The following TMEM121B variants were observed in gnomAD, a reference collection of about 807,000 sequenced individuals.
TMEM121B encodes cat eye syndrome chromosome region, candidate 6.
A neutral mutation model predicts 25.1 loss-of-function variants in TMEM121B; 14 were observed. The observed-to-expected ratio is 0.56, with a 90% CI of 0.37 to 0.87. TMEM121B has a LOEUF of 0.87. Ranked by LOEUF, TMEM121B falls within the 40% of genes least tolerant of loss-of-function variation. The pLI is 0.00. For synonymous variants in TMEM121B, 458 were observed against 420.9 expected, an observed-to-expected ratio of 1.09 and a Z score of -1.08; for missense variants, 850 against 854.6, an observed-to-expected ratio of 0.99 and a Z score of 0.07.
Position 17,119,864 on chromosome 22 carries a change from C to G in TMEM121B, c.1264G>C (p.Ala422Pro), listed in dbSNP as rs931193134. ...GCGATAAGCAGGTAGCGCAGGTGCG[C>G]GGGCAGCGGCACGCGGCCCTCCAGC... is the stretch of plus-strand genomic sequence containing the variant. The part of the protein sequence containing the change: ...LMLEGRVPLP[A>P]HLRYLLIAVY... Residue 422 changes from alanine to proline, a missense_variant, in exon 1 of 1, where the codon GCG (alanine) becomes CCG (proline). Coordinates refer to ENST00000331437, the MANE Select transcript of TMEM121B (RefSeq NM_031890.4). 1.1e-5 allele frequency: 17 copies of G among 1,576,316 alleles called. No homozygotes were observed. The highest frequency in any genetic ancestry group is 1.4e-5 in the Non-Finnish European group (16 of 1,168,740).
rs995282989 is a variant in TMEM121B, at chr22:17,119,337, G to A, written c.*54C>T. 4 of 1,528,618 alleles carry A rather than the reference G, an allele frequency of 2.6e-6. No individual in the cohort carries two copies. The highest frequency in any genetic ancestry group is 4.8e-5 in the Admixed American group (2 of 41,440). 94.7% of individuals were successfully genotyped at this position (1,528,618 alleles called of 1,614,324 possible). A position where few individuals can be genotyped will look rare whatever the true frequency, so the allele number is the denominator to read the frequency against. ...CAAATCTAGGTGACAGAAGGTAGAA[G>A]ACAAGGGGGTTGGGGACTCTCAACC... On this transcript the variant is annotated 3_prime_UTR_variant, in exon 1 of 1. Transcript: ENST00000331437.
Position 17,120,563 on chromosome 22 carries a change from C to T in TMEM121B, c.565G>A (p.Gly189Ser). The T allele has an allele frequency of 6.7e-7, 1 of 1,491,158 alleles. No individual in the cohort carries two copies. Among genetic ancestry groups the T allele is most frequent in the Non-Finnish European group, 8.9e-7 (1 of 1,123,456 alleles). The allele number at this position is 1,491,158 out of a possible 1,614,324, so 92.4% of individuals were successfully genotyped here. Residue 189 changes from glycine to serine, a missense_variant, in exon 1 of 1, where the codon GGC becomes AGC. Coordinates refer to ENST00000331437, the MANE Select transcript of TMEM121B (RefSeq NM_031890.4). ...CGGCACCTGGGACTGGGGGCGCAGCCGCGGCGCCGACCTCTGCGGCCGGGG... is the reference window on the plus strand; with the variant it reads ...CGGCACCTGGGACTGGGGGCGCAGCTGCGGCGCCGACCTCTGCGGCCGGGG... ...DRPGRRGRRR[G>S]CAPSPRCRWG...
In TMEM121B at chr22:17,118,022, G is replaced by C. The variant is rs1299336152; in HGVS notation, c.*1369C>G. On this transcript the variant is annotated 3_prime_UTR_variant, in exon 1 of 1. Coordinates refer to ENST00000331437, the MANE Select transcript of TMEM121B (RefSeq NM_031890.4). The stretch of plus-strand genomic sequence containing the variant: ...CACATCCTGTTGAGGGTGGAGGGAA[G>C]TGAGTATTTCCTGGCCTTGTTAGCT... 6.6e-6 allele frequency: 1 copy of C among 150,854 alleles called. No homozygotes were observed. The highest frequency in any genetic ancestry group is 2.5e-5 in the African/African-American group (1 of 40,226). 9.3% of individuals were successfully genotyped at this position (150,854 alleles called of 1,614,324 possible). A position where few individuals can be genotyped will look rare whatever the true frequency, so the allele number is the denominator to read the frequency against.
At position 17,120,555 on chromosome 22, in the gene TMEM121B, G is replaced by T; in HGVS notation, c.573C>A (p.Ala191=). The T allele has an allele frequency of 6.6e-7, 1 of 1,507,148 alleles. No individual in the cohort carries two copies. The highest frequency in any genetic ancestry group is 8.8e-7 in the Non-Finnish European group (1 of 1,132,292). The allele number at this position is 1,507,148 out of a possible 1,614,324, so 93.4% of individuals were successfully genotyped here. Residue 191 remains alanine (A), a synonymous_variant, in exon 1 of 1, where the codon GCC becomes GCA. Coordinates refer to ENST00000331437, the MANE Select transcript of TMEM121B (RefSeq NM_031890.4). ...AGCCCCAGCGGCACCTGGGACTGGG[G>T]GCGCAGCCGCGGCGCCGACCTCTGC... ...PGRRGRRRGC[A]PSPRCRWGYQ...
In TMEM121B at chr22:17,119,711, C is replaced by A. The variant is rs1262075031; in HGVS notation, c.1417G>T (p.Gly473Cys). 6.5e-7 allele frequency: 1 copy of A among 1,542,538 alleles called. No individual in the cohort carries two copies. The highest frequency in any genetic ancestry group is 1.9e-5 in the Admixed American group (1 of 51,428). The change falls in exon 1 of 1, where the codon GGC (glycine) becomes TGC (cysteine). Residue 473 changes from glycine to cysteine, a missense_variant. Physicochemically the swap from Gly to Cys is radical, Grantham distance 159 (BLOSUM62 -3). Transcript: ENST00000331437. ...AAGGGCACGTCCACCAGGCAGCCGC[C>A]CAGCAGGCGCAGAAGGCGGCTGCAG... ...GSCSRLLRLL[G>C]GCLVDVPLLA...
chr22:17,120,194 C>G lies in TMEM121B; in HGVS notation c.934G>C (p.Ala312Pro). 1 of 1,507,018 alleles carries G rather than the reference C, an allele frequency of 6.6e-7. No individual in the cohort carries two copies. Among genetic ancestry groups the G allele is most frequent in the Non-Finnish European group, 8.9e-7 (1 of 1,128,724 alleles). The allele number at this position is 1,507,018 out of a possible 1,614,324, so 93.4% of individuals were successfully genotyped here. Reference protein sequence around the residue: ...LGAAAAAGEFAFAYLAWLIYS... With the variant: ...LGAAAAAGEFPFAYLAWLIYS... Reference sequence around the variant, plus strand: ...ATAAGCCAGGCCAGGTAGGCGAAGGCGAACTCGCCCGCTGCCGCGGCCGCC... The same window carrying G: ...ATAAGCCAGGCCAGGTAGGCGAAGGGGAACTCGCCCGCTGCCGCGGCCGCC... The change falls in exon 1 of 1, where the codon GCC (alanine) becomes CCC (proline). Residue 312 changes from alanine to proline, a missense_variant. Coordinates refer to ENST00000331437, the MANE Select transcript of TMEM121B (RefSeq NM_031890.4).
chr22:17,120,974 TG>T lies in TMEM121B; in HGVS notation c.153del (p.Ser51ArgfsTer82). The T allele has an allele frequency of 6.9e-7, 1 of 1,452,912 alleles. No individual in the cohort carries two copies. The highest frequency in any genetic ancestry group is 9.1e-7 in the Non-Finnish European group (1 of 1,104,794). 90.0% of individuals were successfully genotyped at this position (1,452,912 alleles called of 1,614,324 possible). A position where few individuals can be genotyped will look rare whatever the true frequency, so the allele number is the denominator to read the frequency against. ...CTGCCGCCGCCTCCCCCGCGGCTGG[TG>T]CTGGTGCTGGTGCTGCTGTCGCCGG... is the stretch of plus-strand genomic sequence containing the variant. Reference protein sequence around the residue: ...RGSGDSSTSTSTSRGGGGGRR... With the variant: ...RGSGDSSTSTXTSRGGGGGRR... On this transcript the variant is annotated frameshift_variant, in exon 1 of 1. Coordinates refer to ENST00000331437, the MANE Select transcript of TMEM121B (RefSeq NM_031890.4). LOFTEE classifies it high-confidence loss of function.
rs778724970 is a variant in TMEM121B at position 17,119,854 on chromosome 22, C to A, written c.1274G>T (p.Arg425Leu). The part of the protein sequence containing the change: ...EGRVPLPAHL[R>L]YLLIAVYFLT... ...GAAGTAGACGGCGATAAGCAGGTAG[C>A]GCAGGTGCGCGGGCAGCGGCACGCG... The change falls in exon 1 of 1, where the codon CGC (arginine) becomes CTC (leucine). Residue 425 changes from arginine (R) to leucine (L), a missense_variant. Coordinates refer to ENST00000331437, the MANE Select transcript of TMEM121B (RefSeq NM_031890.4). 6.3e-7 allele frequency: 1 copy of A among 1,581,350 alleles called. No individual in the cohort carries two copies. Among genetic ancestry groups the A allele is most frequent in the South Asian group, 1.1e-5 (1 of 88,724 alleles).
chr22:17,121,357 A>C lies in TMEM121B; in HGVS notation c.-230T>G. Reference sequence around the variant, plus strand: ...CGGTGAACCGAGCGGACCGCGGTGAAGACAGGCGAGGCGGGGGCGGGGCGG... The same window carrying C: ...CGGTGAACCGAGCGGACCGCGGTGACGACAGGCGAGGCGGGGGCGGGGCGG... On this transcript the variant is annotated 5_prime_UTR_variant, in exon 1 of 1. Transcript: ENST00000331437. 1 of 142,968 alleles carries C rather than the reference A, an allele frequency of 7.0e-6. No individual in the cohort carries two copies. Among genetic ancestry groups the C allele is most frequent in the African/African-American group, 2.8e-5 (1 of 35,870 alleles). The allele number at this position is 142,968 out of a possible 1,614,324, so 8.9% of individuals were successfully genotyped here. A position where few individuals can be genotyped will look rare whatever the true frequency, so the allele number is the denominator to read the frequency against.
In TMEM121B at chr22:17,117,762, G is replaced by A. The variant is rs1046824755; in HGVS notation, c.*1629C>T. ...TCAAGAGCCACAAACTCAAAAGAATGTGAGAGCTGAAATTACCTTCAACCT... is the reference window on the plus strand; with the variant it reads ...TCAAGAGCCACAAACTCAAAAGAATATGAGAGCTGAAATTACCTTCAACCT... On this transcript the variant is annotated 3_prime_UTR_variant, in exon 1 of 1. Coordinates refer to ENST00000331437, the MANE Select transcript of TMEM121B (RefSeq NM_031890.4). 2.6e-4 allele frequency: 39 copies of A among 152,214 alleles called. 1 individual carries two copies. The highest frequency in any genetic ancestry group is 2.6e-3 in the Admixed American group (39 of 15,286). 9.4% of individuals were successfully genotyped at this position (152,214 alleles called of 1,614,324 possible). A position where few individuals can be genotyped will look rare whatever the true frequency, so the allele number is the denominator to read the frequency against.
chr22:17,120,087 G>C lies in TMEM121B; in HGVS notation c.1041C>G (p.Phe347Leu), dbSNP rs5994165. Residue 347 changes from phenylalanine to leucine, a missense_variant, in exon 1 of 1, where the codon TTC (phenylalanine) becomes TTG (leucine). By Grantham distance (22) the Phe-to-Leu change is conservative. Transcript: ENST00000331437. ...TGGTGAGACGGAAGCCCGTGGTGCC[G>C]AAGGGCGCGCGTAGCTCGATGAGGT... ...ILDLIELRAP[F>L]GTTGFRLTMA... 1 of 1,611,138 alleles carries C rather than the reference G, an allele frequency of 6.2e-7. No individual in the cohort carries two copies. Among genetic ancestry groups the C allele is most frequent in the Non-Finnish European group, 8.5e-7 (1 of 1,179,630 alleles).
In TMEM121B at chr22:17,121,107, G is replaced by T; in HGVS notation, c.21C>A (p.His7Gln). ...CGGACGCGGAGGAGACCGAGCGAGG[G>T]TGGCCGAGCGCCGGGCGCATTGTCC... MRPALG[H>Q]PRSVSSASGS... is the part of the protein sequence containing the mutation. Residue 7 changes from histidine to glutamine, a missense_variant, in exon 1 of 1, where the codon CAC (histidine) becomes CAA (glutamine). His to Gln is a conservative substitution (Grantham distance 24, BLOSUM62 0). Transcript: ENST00000331437. 7.1e-7 allele frequency: 1 copy of T among 1,408,472 alleles called. No individual in the cohort carries two copies. Among genetic ancestry groups the T allele is most frequent in the South Asian group, 1.5e-5 (1 of 68,538 alleles). The allele number at this position is 1,408,472 out of a possible 1,614,324, so 87.2% of individuals were successfully genotyped here.
rs1189095900 is a variant in TMEM121B, at chr22:17,119,643, G to C, written c.1485C>G (p.Pro495=). ...GGTTCTTGAGCATGAAGATGGAGAG[G>C]GGCTGCTGGTAGCTGACCACCAGGA... The part of the protein sequence containing the change: ...RCLLVVSYQQ[P]LSIFMLKNLF... Residue 495 remains proline, a synonymous_variant, in exon 1 of 1, where the codon CCC becomes CCG. Transcript: ENST00000331437. The C allele has an allele frequency of 2.6e-6, 4 of 1,542,050 alleles. No homozygotes were observed. Among genetic ancestry groups the C allele is most frequent in the African/African-American group, 1.4e-5 (1 of 73,502 alleles).
chr22:17,119,098 T>G lies in TMEM121B; in HGVS notation c.*293A>C. The G allele has an allele frequency of 5.6e-6, 2 of 356,478 alleles. No homozygotes were observed. The highest frequency in any genetic ancestry group is 7.6e-5 in the East Asian group (1 of 13,202). 22.1% of individuals were successfully genotyped at this position (356,478 alleles called of 1,614,324 possible). ...CCCCTCTCCTCCTAATGGATGGGAA[T>G]TAGAGTGGAGGTGGGCAAAGCAAGA... On this transcript the variant is annotated 3_prime_UTR_variant, in exon 1 of 1. Transcript: ENST00000331437.
chr22:17,121,280 T>A lies in TMEM121B; in HGVS notation c.-153A>T. On this transcript the variant is annotated 5_prime_UTR_variant, in exon 1 of 1. Coordinates refer to ENST00000331437, the MANE Select transcript of TMEM121B (RefSeq NM_031890.4). ...GGCCGGGCGGCGGCGAGATCCGGAC[T>A]GGAGCCACTGGACTGGGCGAGCCGG... The A allele has an allele frequency of 1.6e-6, 1 of 618,154 alleles. No individual in the cohort carries two copies. The highest frequency in any genetic ancestry group is 2.2e-6 in the Non-Finnish European group (1 of 446,296). The allele number at this position is 618,154 out of a possible 1,614,324, so 38.3% of individuals were successfully genotyped here. A position where few individuals can be genotyped will look rare whatever the true frequency, so the allele number is the denominator to read the frequency against.
At position 17,119,696 on chromosome 22, in the gene TMEM121B, C is replaced by G; in HGVS notation, c.1432G>C (p.Asp478His). The part of the protein sequence containing the change: ...LLRLLGGCLV[D>H]VPLLALRCLL... ...CAGCGCAGCGCCAGCAAGGGCACGT[C>G]CACCAGGCAGCCGCCCAGCAGGCGC... Residue 478 changes from aspartate (D) to histidine (H), a missense_variant, in exon 1 of 1, where the codon GAC (aspartate) becomes CAC (histidine). Transcript: ENST00000331437. 6.5e-7 allele frequency: 1 copy of G among 1,542,042 alleles called. No homozygotes were observed. Among genetic ancestry groups the G allele is most frequent in the African/African-American group, 1.4e-5 (1 of 73,608 alleles).
chr22:17,119,155 T>G lies in TMEM121B; in HGVS notation c.*236A>C. The stretch of plus-strand genomic sequence containing the variant: ...GGTACCAGCCCCTTGGAGGTCAGGA[T>G]TGGGGTAGGATAGGAGAAGAGAGGA... On this transcript the variant is annotated 3_prime_UTR_variant, in exon 1 of 1. Coordinates refer to ENST00000331437, the MANE Select transcript of TMEM121B (RefSeq NM_031890.4). 1.8e-5 allele frequency: 9 copies of G among 498,390 alleles called. No homozygotes were observed. The highest frequency in any genetic ancestry group is 2.8e-5 in the Non-Finnish European group (8 of 286,204). The allele number at this position is 498,390 out of a possible 1,614,324, so 30.9% of individuals were successfully genotyped here. A position where few individuals can be genotyped will look rare whatever the true frequency, so the allele number is the denominator to read the frequency against.
chr22:17,120,208 G>T lies in TMEM121B; in HGVS notation c.920C>A (p.Ala307Glu). 1 of 1,485,724 alleles carries T rather than the reference G, an allele frequency of 6.7e-7. No homozygotes were observed. The allele number at this position is 1,485,724 out of a possible 1,614,324, so 92.0% of individuals were successfully genotyped here. The part of the protein sequence containing the change: ...GAGGGLGAAA[A>E]AGEFAFAYLA... The stretch of plus-strand genomic sequence containing the variant: ...GTAGGCGAAGGCGAACTCGCCCGCT[G>T]CCGCGGCCGCCCCCAGGCCGCCCCC... The change falls in exon 1 of 1, where the codon GCA becomes GAA. Residue 307 changes from alanine to glutamate, a missense_variant. Ala to Glu is a moderately radical substitution (Grantham distance 107). Transcript: ENST00000331437.
chr22:17,120,960 T>C lies in TMEM121B; in HGVS notation c.168A>G (p.Gly56=). 1.4e-6 allele frequency: 2 copies of C among 1,420,448 alleles called. No individual in the cohort carries two copies. Among genetic ancestry groups the C allele is most frequent in the African/African-American group, 1.5e-5 (1 of 66,826 alleles). The allele number at this position is 1,420,448 out of a possible 1,614,324, so 88.0% of individuals were successfully genotyped here. A position where few individuals can be genotyped will look rare whatever the true frequency, so the allele number is the denominator to read the frequency against. ...SSTSTSTSRG[G]GGGRRGGGGG... ...CGCCCCCGCCGCGTCTGCCGCCGCC[T>C]CCCCCGCGGCTGGTGCTGGTGCTGG... Residue 56 remains glycine (G), a synonymous_variant, in exon 1 of 1, where the codon GGA becomes GGG. Transcript: ENST00000331437.
Sources: gnomAD v4.1 joint callset for allele counts on GRCh38, gnomAD v4.1.1 for gene constraint, MANE v1.5 for transcripts, NCBI Gene and HGNC (gene_info 2026-07-23, HGNC 2026-07-21) for gene names.